UTP14A: variants seen among roughly 807,000 people sequenced by gnomAD.
The protein encoded by UTP14A is U3 small nucleolar RNA-associated protein 14 homolog A.
In UTP14A, 5 loss-of-function variants were observed where a neutral mutation model predicts 57.2. The ratio of observed to expected loss-of-function variants is 0.09; its 90% CI spans 0.05 to 0.18. The LOEUF (loss-of-function observed/expected upper bound fraction) is 0.18. Among genes scored for constraint, UTP14A ranks in the 10% least tolerant of loss-of-function variants. The pLI is 1.00. For missense variants in UTP14A, 430 were observed against 562.1 expected (o/e 0.76, Z 2.38); for synonymous variants, 169 against 210.9 (o/e 0.80, Z 1.72).
chrX:129,909,434 C>G (rs890090234), intron 4 of UTP14A, among the ~76,000 whole-genome samples: 2 of 110,774 alleles, frequency 1.8e-5, no homozygotes, highest in African/African-American at 6.6e-5. Context: ...TGGTCTGGAT[C>G]TCCTGACCTC....
In UTP14A at chrX:129,906,329, G is replaced by A; in HGVS notation, c.26+93G>A. The A allele has an allele frequency of 3.4e-6, 3 of 883,064 alleles. No individual in the cohort carries two copies. In the South Asian group the frequency reaches 6.6e-5, roughly 19 times the overall value. 72.8% of individuals were successfully genotyped at this position (883,064 alleles called of 1,213,427 possible). On this transcript the variant is annotated intron_variant, in intron 1 of 14. Transcript: ENST00000394422. ...AATGGGAGCCCCCCCTTTAACAGAT[G>A]GCAGTGGTTCCCCTGAAGAGCTGGC...
chrX:129,907,697 C>T (rs1238096772), intron 2 of UTP14A, among the ~76,000 whole-genome samples: 1 of 112,399 alleles, frequency 8.9e-6, no homozygotes, highest in East Asian at 2.8e-4. Context: ...TGGCTCATGC[C>T]TGTAATCCCA....
intron 8 of UTP14A, 26 bp downstream of exon 8, chrX:129,919,515 T>TTCAC (rs777131458): frequency 5.8e-6 from 7 of 1,197,651 alleles, no homozygotes; most frequent in Non-Finnish European, 6.8e-6. Flanking sequence ...TGAACTGGCC[T>TTCAC]TGGGTTCCAC....
At chrX:129,907,988 C>T in intron 2 of UTP14A, 72 bp from the exon 3 acceptor site, 1 of 879,276 alleles carries the variant, frequency 1.1e-6, no homozygotes, top group Non-Finnish European at 1.7e-6. Context: ...AGAGATTTTA[C>T]ATGAGACTCA....
chrX:129,908,762 G>A, intron 4 of UTP14A, 28 bp downstream of exon 4: 3 of 1,187,525 alleles, frequency 2.5e-6, no homozygotes, highest in East Asian at 3.0e-5. Context: ...AGATACCCAT[G>A]CATGAAACCT....
Position 129,925,147 on chromosome X carries a change from A to G in UTP14A, c.1701A>G (p.Thr567=). ...QMIDLQNLLT[T]QSPSVKSLAV... ...TCGACCTACAGAACCTCCTAACCAC[A>G]CAATCTCCCTCCGTGAAGTCTTTGG... Residue 567 remains threonine (T), a synonymous_variant, in exon 12 of 15, where the codon ACA becomes ACG. Coordinates refer to ENST00000394422, the MANE Select transcript of UTP14A (RefSeq NM_006649.4). The G allele has an allele frequency of 8.3e-7, 1 of 1,211,557 alleles. No homozygotes were observed. The highest frequency in any genetic ancestry group is 1.1e-6 in the Non-Finnish European group (1 of 895,464).
intron 2 of UTP14A, 55 bp from the exon 3 acceptor site, chrX:129,908,005 A>T: frequency 3.0e-6 from 3 of 989,677 alleles, no homozygotes; most frequent in Middle Eastern, 2.6e-4. Flanking sequence ...CTCAATTTCC[A>T]TGTTGTCTTT....
intron 6 of UTP14A, among the ~76,000 whole-genome samples, chrX:129,915,279 A>G (rs976303766): frequency 4.5e-5 from 5 of 111,945 alleles, no homozygotes; most frequent in African/African-American, 1.6e-4. Context: ...TAATCCCAGC[A>G]CTTTGGGAGG....
At chrX:129,928,107 A>G (rs1479193726) in intron 14 of UTP14A, among the ~76,000 whole-genome samples, 1 of 109,142 alleles carries the variant, frequency 9.2e-6, no homozygotes, top group Non-Finnish European at 1.9e-5. Flanking sequence ...TGGGCCGGGC[A>G]TGGTGGTTCA....
intron 12 of UTP14A, among the ~76,000 whole-genome samples, 176 bp downstream of exon 12, chrX:129,925,371 A>G (rs1185946534): frequency 9.0e-6 from 1 of 111,154 alleles, no homozygotes; most frequent in African/African-American, 3.3e-5. Flanking sequence ...TGCTGCCAAG[A>G]CCCCTATTTC....
At chrX:129,925,846 C>G in intron 12 of UTP14A, 73 bp from the exon 13 acceptor site, 1 of 1,159,351 alleles carries the variant, frequency 8.6e-7, no homozygotes, top group South Asian at 1.9e-5. Flanking sequence ...ATGTCACGAC[C>G]CGAAATTCAA....
intron 14 of UTP14A, among the ~76,000 whole-genome samples, chrX:129,927,492 A>C: frequency 9.0e-6 from 1 of 111,353 alleles, no homozygotes; most frequent in Non-Finnish European, 1.9e-5. Flanking sequence ...ATGTTTCCAG[A>C]GACTACTGAT....
At chrX:129,910,255 T>G (rs1407554779) in intron 4 of UTP14A, among the ~76,000 whole-genome samples, 1 of 111,503 alleles carries the variant, frequency 9.0e-6, no homozygotes, top group East Asian at 2.8e-4. Flanking sequence ...TGGGGGTTGA[T>G]ATGAGGTTAG....
chrX:129,927,914 G>A (rs1603022097), intron 14 of UTP14A, among the ~76,000 whole-genome samples: 1 of 111,879 alleles, frequency 8.9e-6, no homozygotes, highest in African/African-American at 3.3e-5. Context: ...GCAATGTGGT[G>A]GAGGAGTACC....
At chrX:129,918,396 C>CAAAAAAA (rs766869516) in intron 6 of UTP14A, among the ~76,000 whole-genome samples, 5 of 49,440 alleles carry the variant, frequency 1.0e-4, no homozygotes, top group Non-Finnish European at 7.9e-5. Flanking sequence ...TCTCAGAAAA[C>CAAAAAAA]AAAAAAAAAA....
intron 11 of UTP14A, among the ~76,000 whole-genome samples, 164 bp from the exon 12 acceptor site, chrX:129,924,631 G>T (rs1930033547): frequency 9.0e-6 from 1 of 111,288 alleles, no homozygotes; most frequent in Non-Finnish European, 1.9e-5. Context: ...TATGATTAGT[G>T]TACTGTCTAG....
At chrX:129,919,537 A>G in intron 8 of UTP14A, 48 bp downstream of exon 8, 2 of 1,157,767 alleles carry the variant, frequency 1.7e-6, no homozygotes, top group African/African-American at 3.6e-5. Flanking sequence ...GAAGAAAGTC[A>G]TGTGGTTCAT....
chrX:129,908,968 T>C (rs1007833780), intron 4 of UTP14A, among the ~76,000 whole-genome samples: 5 of 111,967 alleles, frequency 4.5e-5, no homozygotes, highest in African/African-American at 1.3e-4. Flanking sequence ...GAGATACTTA[T>C]AGGATAGATG....
Position 129,925,864 on chromosome X carries a change from C to T in UTP14A, c.1750-55C>T, listed in dbSNP as rs1313528592. On this transcript the variant is annotated intron_variant, in intron 12 of 14. Transcript: ENST00000394422. ...TCACGACCCGAAATTCAAGCGTTCT[C>T]GCCATGAACCACAGCTCATAAGCCA... The T allele has an allele frequency of 2.9e-5, 34 of 1,181,644 alleles. 1 individual carries two copies. The South Asian group carries it at 3.7e-4, about 13-fold the overall frequency.
Sources: allele counts gnomAD v4.1 joint callset (sites outside exome capture counted in the v4.1 genomes callset), GRCh38; gene constraint gnomAD v4.1.1; transcripts MANE v1.5; gene names NCBI Gene and HGNC (gene_info 2026-07-23, HGNC 2026-07-21).